Variants in PLXDC2 observed in about 807,000 individuals in gnomAD.
PLXDC2 encodes plexin domain-containing protein 2.
In PLXDC2, 40 loss-of-function variants were observed where a neutral mutation model predicts 68.9. The observed-to-expected ratio is 0.58, with a 90% CI of 0.45 to 0.76. The LOEUF (loss-of-function observed/expected upper bound fraction) is 0.76. Ranked by LOEUF, PLXDC2 falls within the 30% of genes least tolerant of loss-of-function variation. PLXDC2 has a pLI of 0.00. For missense variants in PLXDC2, 644 were observed against 661.9 expected (o/e 0.97, Z 0.30); for synonymous variants, 243 against 234.2 (o/e 1.04, Z -0.34).
intron 1 of PLXDC2, among the ~76,000 whole-genome samples, chr10:19,993,787 A>T (rs1052189160): frequency 8.5e-5 from 13 of 152,114 alleles, no homozygotes; most frequent in Non-Finnish European, 1.8e-4. Flanking sequence ...TTATATATAT[A>T]TTTTTTAAAT....
chr10:19,821,148 C>T lies in PLXDC2; in HGVS notation c.112+3957C>T, dbSNP rs199615974. On this transcript the variant is annotated intron_variant, in intron 1 of 13. Coordinates refer to ENST00000377252, the MANE Select transcript of PLXDC2 (RefSeq NM_032812.9). ...ATGAAGTCTTCAGCTACTTTCTCCTCACATTAATACAGTCTCTTCTCCATG... is the reference window on the plus strand; with the variant it reads ...ATGAAGTCTTCAGCTACTTTCTCCTTACATTAATACAGTCTCTTCTCCATG... Among the ~76,000 whole-genome samples the T allele has an allele frequency of 1.9e-4, 29 of 152,294 alleles. 1 individual carries two copies. The East Asian group carries it at 5.0e-3, about 26-fold the overall frequency.
chr10:19,949,010 G>T (rs1421781389), intron 1 of PLXDC2, among the ~76,000 whole-genome samples: 1 of 149,378 alleles, frequency 6.7e-6, no homozygotes, highest in Non-Finnish European at 1.5e-5. Flanking sequence ...GGCACCTGTT[G>T]TCCCAGCTAC....
rs558679288 is a variant in PLXDC2 at position 20,265,812 on chromosome 10, C to T, written c.1474-13891C>T. The stretch of plus-strand genomic sequence containing the variant: ...TTATCTTTTTCAAACTCTCTTACAC[C>T]CAAAGATGGGCAGGTGACTACTTGT... On this transcript the variant is annotated intron_variant, in intron 13 of 13. Coordinates refer to ENST00000377252, the MANE Select transcript of PLXDC2 (RefSeq NM_032812.9). Among the ~76,000 whole-genome samples the T allele has an allele frequency of 3.2e-4, 49 of 152,166 alleles. No homozygotes were observed. In the South Asian group the frequency reaches 9.7e-3, roughly 30 times the overall value.
At chr10:20,279,544 G>A (rs374784648) in intron 13 of PLXDC2, among the ~76,000 whole-genome samples, 159 bp from the exon 14 acceptor site, 10 of 152,212 alleles carry the variant, frequency 6.6e-5, no homozygotes, top group East Asian at 5.8e-4. Flanking sequence ...TTGGAGGGTT[G>A]ATAAGGGGAA....
At chr10:20,016,132 A>G (rs1835205443) in intron 2 of PLXDC2, among the ~76,000 whole-genome samples, 1 of 152,216 alleles carries the variant, frequency 6.6e-6, no homozygotes, top group Non-Finnish European at 1.5e-5. Context: ...TCAAAAGACC[A>G]AGTCTGGGGA....
At chr10:20,039,990 G>A (rs1462008355) in intron 2 of PLXDC2, among the ~76,000 whole-genome samples, 3 of 152,132 alleles carry the variant, frequency 2.0e-5, no homozygotes, top group African/African-American at 4.8e-5. Flanking sequence ...CAGCTGAATC[G>A]ACCTTTCTTG....
chr10:19,955,948 G>A (rs764148329), intron 1 of PLXDC2, among the ~76,000 whole-genome samples: 6 of 151,940 alleles, frequency 3.9e-5, no homozygotes, highest in Admixed American at 6.6e-5. Context: ...GCATGGTGGC[G>A]GACACCTGTA....
chr10:20,156,040 T>C (rs1055611099), intron 6 of PLXDC2, among the ~76,000 whole-genome samples: 1 of 152,054 alleles, frequency 6.6e-6, no homozygotes, highest in Non-Finnish European at 1.5e-5. Context: ...CCACCATGCC[T>C]AGCTAATTTT....
intron 1 of PLXDC2, among the ~76,000 whole-genome samples, chr10:19,899,144 C>T (rs572362637): frequency 1.3e-5 from 2 of 152,194 alleles, no homozygotes; most frequent in Non-Finnish European, 2.9e-5. Flanking sequence ...CACCCTGGCT[C>T]ATGTGGTTTT....
At chr10:20,098,288 C>G (rs1039101338) in intron 4 of PLXDC2, among the ~76,000 whole-genome samples, 1 of 151,870 alleles carries the variant, frequency 6.6e-6, no homozygotes, top group Non-Finnish European at 1.5e-5. Context: ...GTGACCACAT[C>G]ACTCCAATCC....
chr10:19,946,281 T>TA (rs1415228677), intron 1 of PLXDC2, among the ~76,000 whole-genome samples: 1 of 152,064 alleles, frequency 6.6e-6, no homozygotes, highest in African/African-American at 2.4e-5. Context: ...TTGTTTAAAT[T>TA]AAAAAAACAT....
At chr10:20,209,971 C>T (rs1393479247) in intron 9 of PLXDC2, among the ~76,000 whole-genome samples, 1 of 152,124 alleles carries the variant, frequency 6.6e-6, no homozygotes. Flanking sequence ...ATGAAATCTT[C>T]ACAATTCACA....
chr10:19,850,163 C>A (rs79585536), intron 1 of PLXDC2, among the ~76,000 whole-genome samples: 5,370 of 152,200 alleles, frequency 0.035, 320 homozygotes, highest in African/African-American at 0.12. Flanking sequence ...GCTAACCACA[C>A]TGCCTGACTT....
chr10:20,092,460 G>A (rs887136988), intron 4 of PLXDC2, among the ~76,000 whole-genome samples: 1 of 152,036 alleles, frequency 6.6e-6, no homozygotes, highest in Non-Finnish European at 1.5e-5. Flanking sequence ...TGGTTGAATG[G>A]CCATGACTAG....
At chr10:19,912,287 A>G (rs1012180261) in intron 1 of PLXDC2, among the ~76,000 whole-genome samples, 1 of 152,186 alleles carries the variant, frequency 6.6e-6, no homozygotes, top group Non-Finnish European at 1.5e-5. Context: ...TTGTCTATGA[A>G]TGCAGACTTT....
intron 1 of PLXDC2, among the ~76,000 whole-genome samples, chr10:19,940,132 T>C (rs949120754): frequency 3.3e-5 from 5 of 151,792 alleles, no homozygotes; most frequent in African/African-American, 1.2e-4. Flanking sequence ...GGCAAATTCA[T>C]GTGCTGGAAA....
At chr10:20,262,084 A>G (rs183966035) in intron 13 of PLXDC2, among the ~76,000 whole-genome samples, 1 of 152,238 alleles carries the variant, frequency 6.6e-6, no homozygotes, top group East Asian at 1.9e-4. Context: ...AACTTGACCC[A>G]CAGAGAATGA....
intron 1 of PLXDC2, among the ~76,000 whole-genome samples, chr10:19,953,921 G>A (rs1834028838): frequency 1.3e-5 from 2 of 152,030 alleles, no homozygotes; most frequent in Non-Finnish European, 2.9e-5. Flanking sequence ...CAAAGAGTCT[G>A]GAAATGAAAG....
intron 13 of PLXDC2, among the ~76,000 whole-genome samples, chr10:20,262,822 G>T (rs1835826056): frequency 6.6e-6 from 1 of 152,212 alleles, no homozygotes; most frequent in South Asian, 2.1e-4. Flanking sequence ...CAGACTGTTA[G>T]GTGGGGCCCA....
Sources: gnomAD v4.1 joint callset for allele counts (sites outside exome capture counted in the v4.1 genomes callset) on GRCh38, gnomAD v4.1.1 for gene constraint, MANE v1.5 for transcripts, NCBI Gene and HGNC (gene_info 2026-07-23, HGNC 2026-07-21) for gene names.